Variants in MAD1L1 observed in about 807,000 individuals in gnomAD.
The protein encoded by MAD1L1 is mitotic spindle assembly checkpoint protein MAD1.
In MAD1L1, 95 loss-of-function variants were observed where a neutral mutation model predicts 96.9. The ratio of observed to expected loss-of-function variants is 0.98; its 90% CI spans 0.83 to 1.16. The LOEUF (loss-of-function observed/expected upper bound fraction) is 1.16, where lower values mean the gene tolerates loss of function less well. Ranked by LOEUF, MAD1L1 falls within the 50% of genes most tolerant of loss-of-function variation. The pLI is 0.00. For synonymous variants in MAD1L1, 473 were observed against 396.6 expected, an observed-to-expected ratio of 1.19 and a Z score of -2.29; for missense variants, 1,007 against 954.4, an observed-to-expected ratio of 1.06 and a Z score of -0.73.
chr7:1,838,043 G>A (rs1023862699), intron 18 of MAD1L1, among the ~76,000 whole-genome samples: 9 of 152,210 alleles, frequency 5.9e-5, no homozygotes, highest in African/African-American at 1.7e-4. Context: ...GGTGATTCCC[G>A]CGTAGCTCTG....
intron 10 of MAD1L1, among the ~76,000 whole-genome samples, chr7:2,208,206 C>G (rs946702707): frequency 3.9e-5 from 6 of 152,038 alleles, no homozygotes; most frequent in African/African-American, 1.4e-4. Context: ...TGGTATGTAC[C>G]TCGAGTGGCT....
intron 10 of MAD1L1, among the ~76,000 whole-genome samples, chr7:2,206,576 T>C (rs186548129): frequency 1.1e-4 from 16 of 152,340 alleles, no homozygotes; most frequent in African/African-American, 1.7e-4. Context: ...TCTGGACACT[T>C]TGACAACAAT....
At chr7:2,184,758 T>C (rs566153743) in intron 10 of MAD1L1, among the ~76,000 whole-genome samples, 6 of 152,212 alleles carry the variant, frequency 3.9e-5, no homozygotes, top group African/African-American at 1.4e-4. Context: ...TCCCAGCACT[T>C]TGGGAGGCTG....
chr7:2,095,799 G>A (rs1441959639), intron 11 of MAD1L1, among the ~76,000 whole-genome samples: 2 of 152,240 alleles, frequency 1.3e-5, no homozygotes, highest in Admixed American at 6.5e-5. Context: ...AGCTGTGGGT[G>A]CAGGCCGGAC....
chr7:2,232,035 G>C (rs1240194149), intron 1 of MAD1L1, among the ~76,000 whole-genome samples: 1 of 152,182 alleles, frequency 6.6e-6, no homozygotes, highest in Non-Finnish European at 1.5e-5. Context: ...AAAAGTTACA[G>C]AACGGAGATT....
chr7:2,091,204 T>A (rs1299839390), intron 11 of MAD1L1, among the ~76,000 whole-genome samples: 2 of 152,176 alleles, frequency 1.3e-5, no homozygotes, highest in Admixed American at 6.5e-5. Context: ...CCTGTGTATT[T>A]CCTACCCCAG....
Position 2,114,435 on chromosome 7 carries a change from T to C in MAD1L1, c.1073+34717A>G, listed in dbSNP as rs148276729. 2.8e-4 allele frequency among the ~76,000 whole-genome samples: 42 copies of C among 152,242 alleles called. No individual in the cohort carries two copies. Among genetic ancestry groups the C allele is most frequent in the African/African-American group, 1.0e-3 (42 of 41,538 alleles). ...CGCCATCCTCCTTAAGGCCACAAAG[T>C]GTATGGTCCTAGGGCATCTTTCCTG... On this transcript the variant is annotated intron_variant, in intron 11 of 18. Coordinates refer to ENST00000265854, the MANE Select transcript of MAD1L1 (RefSeq NM_001013836.2). The surrounding 1 kb of genome is among the most constrained non-coding windows in gnomAD (Gnocchi z 4.2).
rs1779778801 is a variant in MAD1L1, at chr7:1,957,561, TCGTTCA to T, written c.1596+62_1596+67del. ...TGTTCTGTGGCAGCAGGAACCACGG[TCGTTCA>T]CGACGCCCAAAGAAATGAGAGGCCC... On this transcript the variant is annotated intron_variant, in intron 16 of 18. Transcript: ENST00000265854. 6 of 1,480,726 alleles carry T rather than the reference TCGTTCA, an allele frequency of 4.1e-6. 1 individual carries two copies. In the South Asian group the frequency reaches 7.1e-5, roughly 17 times the overall value. The allele number at this position is 1,480,726 out of a possible 1,614,324, so 91.7% of individuals were successfully genotyped here.
At chr7:2,205,752 C>G (rs1465995785) in intron 10 of MAD1L1, among the ~76,000 whole-genome samples, 2 of 152,234 alleles carry the variant, frequency 1.3e-5, no homozygotes. Context: ...CGATTACAGT[C>G]TTAATTTGCA....
At position 1,816,030 on chromosome 7, in the gene MAD1L1, C is replaced by A; in HGVS notation, c.*40G>T. The stretch of plus-strand genomic sequence containing the variant: ...CGGGGCAGGGGACCTGCAGGTCAGG[C>A]CAAGCAGAGTGGCTCCGGCTATGCC... On this transcript the variant is annotated 3_prime_UTR_variant, in exon 19 of 19. Transcript: ENST00000265854. 1 of 1,559,618 alleles carries A rather than the reference C, an allele frequency of 6.4e-7. No individual in the cohort carries two copies. The highest frequency in any genetic ancestry group is 1.8e-5 in the Admixed American group (1 of 54,686).
intron 16 of MAD1L1, among the ~76,000 whole-genome samples, chr7:1,941,351 C>A (rs893553496): frequency 4.6e-5 from 7 of 152,216 alleles, no homozygotes; most frequent in Admixed American, 1.3e-4. Context: ...AGGTTTCCCC[C>A]CTGATGGGGG....
intron 12 of MAD1L1, among the ~76,000 whole-genome samples, chr7:2,048,892 C>T (rs1452038374): frequency 6.6e-6 from 1 of 152,224 alleles, no homozygotes; most frequent in African/African-American, 2.4e-5. Context: ...TCACACTTGC[C>T]TGTGTCCAGC....
At chr7:1,928,830 G>C (rs1448714717) in intron 17 of MAD1L1, among the ~76,000 whole-genome samples, 1 of 152,172 alleles carries the variant, frequency 6.6e-6, no homozygotes, top group Non-Finnish European at 1.5e-5. Flanking sequence ...CAGCTGGCTT[G>C]GCACTGCCAG....
intron 18 of MAD1L1, among the ~76,000 whole-genome samples, chr7:1,841,987 G>A (rs1783290048): frequency 1.3e-5 from 2 of 152,176 alleles, no homozygotes; most frequent in Admixed American, 6.5e-5. Flanking sequence ...GCGCTCGGCC[G>A]CCATCTTCCT....
intron 18 of MAD1L1, among the ~76,000 whole-genome samples, chr7:1,839,306 A>G (rs1783108902): frequency 6.6e-6 from 1 of 151,806 alleles, no homozygotes; most frequent in African/African-American, 2.4e-5. Flanking sequence ...GGTCCCAGGG[A>G]GGGCTCTGCC....
chr7:1,981,060 A>G (rs1307647997), intron 14 of MAD1L1, among the ~76,000 whole-genome samples: 4 of 152,244 alleles, frequency 2.6e-5, no homozygotes, highest in Admixed American at 2.6e-4. Flanking sequence ...TCCACCTCGC[A>G]GGTTCAAGTG....
chr7:2,221,865 G>T (rs1339418920), intron 5 of MAD1L1, among the ~76,000 whole-genome samples: 2 of 152,182 alleles, frequency 1.3e-5, no homozygotes, highest in Admixed American at 1.3e-4. Context: ...AGGCCTCTGA[G>T]CACAACGGCT....
intron 18 of MAD1L1, among the ~76,000 whole-genome samples, chr7:1,853,585 C>A (rs781631415): frequency 2.0e-5 from 3 of 152,330 alleles, no homozygotes; most frequent in Middle Eastern, 3.4e-3. Flanking sequence ...CCCACCCTGC[C>A]TGCCTGACCA....
chr7:2,058,098 G>A (rs1474189589), intron 12 of MAD1L1, among the ~76,000 whole-genome samples: 6 of 82,038 alleles, frequency 7.3e-5, no homozygotes, highest in African/African-American at 3.7e-4. Context: ...GGGCTGGAGA[G>A]GGAGTGTGGC....
Sources: gnomAD v4.1 joint callset for allele counts (sites outside exome capture counted in the v4.1 genomes callset) on GRCh38, gnomAD v4.1.1 for gene constraint, Gnocchi (gnomAD v3.1) non-coding constraint, MANE v1.5 for transcripts, NCBI Gene and HGNC (gene_info 2026-07-23, HGNC 2026-07-21) for gene names.